Variants in SMYD3 observed in about 807,000 individuals in gnomAD.
The protein encoded by SMYD3 is histone-lysine N-methyltransferase SMYD3.
SMYD3 carries 36 observed loss-of-function variants against 57.7 expected under a neutral mutation model. The ratio of observed to expected loss-of-function variants is 0.62; its 90% CI spans 0.48 to 0.82. SMYD3 has a LOEUF of 0.82. SMYD3 is among the 40% of genes least tolerant of loss of function. The pLI is 0.00. For synonymous variants in SMYD3, 211 were observed against 195.0 expected, an observed-to-expected ratio of 1.08 and a Z score of -0.68; for missense variants, 515 against 538.8, an observed-to-expected ratio of 0.96 and a Z score of 0.44.
At chr1:246,239,780 A>G (rs2063575579) in intron 5 of SMYD3, among the ~76,000 whole-genome samples, 1 of 152,080 alleles carries the variant, frequency 6.6e-6, no homozygotes, top group South Asian at 2.1e-4. Context: ...AATGATCGCC[A>G]TTCTAACTGG....
At chr1:245,887,486 G>T (rs1267417136) in intron 8 of SMYD3, among the ~76,000 whole-genome samples, 3 of 152,132 alleles carry the variant, frequency 2.0e-5, no homozygotes, top group Non-Finnish European at 2.9e-5. Flanking sequence ...GACTCGCCCT[G>T]AATTCTTTCT....
chr1:246,109,634 C>G (rs573184673), intron 5 of SMYD3: 1 of 152,330 alleles, frequency 6.6e-6, no homozygotes, highest in South Asian at 2.1e-4. Context: ...CAGCTTTCAT[C>G]AAGAACAACC....
At chr1:245,751,604 G>GAAAA (rs1158822269) in intron 11 of SMYD3, among the ~76,000 whole-genome samples, 1 of 143,784 alleles carries the variant, frequency 7.0e-6, no homozygotes, top group Non-Finnish European at 1.5e-5. Context: ...AAGAGAGAGA[G>GAAAA]AGAAAGAGAG....
At chr1:245,870,519 T>C (rs2052127281) in intron 8 of SMYD3, among the ~76,000 whole-genome samples, 1 of 152,170 alleles carries the variant, frequency 6.6e-6, no homozygotes, top group Non-Finnish European at 1.5e-5. Flanking sequence ...TATCCCTGCA[T>C]GAATCAGTGA....
At position 245,764,645 on chromosome 1, in the gene SMYD3, A is replaced by T. The variant is rs192043525; in HGVS notation, c.1077-496T>A. ...CCGCAAAGCCCTTTGATTGAATCTC[A>T]GCTGTGGAGTCCATCATGGTACACC... is the stretch of plus-strand genomic sequence containing the variant. On this transcript the variant is annotated intron_variant, in intron 10 of 11. Transcript: ENST00000490107. 1.4e-3 allele frequency among the ~76,000 whole-genome samples: 210 copies of T among 152,000 alleles called. 3 individuals are homozygous for T. Among genetic ancestry groups the T allele is most frequent in the African/African-American group, 4.7e-3 (194 of 41,442 alleles).
rs766027289 is a variant in SMYD3, at chr1:245,804,320, G to A, written c.1077-40171C>T. ...ATTAATGTGTTAAAACTTAATTCCC[G>A]GCCGGGCGCAGTGGCACTTTGGGAG... is the stretch of plus-strand genomic sequence containing the variant. On this transcript the variant is annotated intron_variant, in intron 10 of 11. Coordinates refer to ENST00000490107, the MANE Select transcript of SMYD3 (RefSeq NM_001167740.2). 4.6e-5 allele frequency among the ~76,000 whole-genome samples: 7 copies of A among 152,202 alleles called. No individual in the cohort carries two copies. The South Asian group carries it at 6.2e-4, about 14-fold the overall frequency.
chr1:246,326,976 A>G (rs536032641), intron 5 of SMYD3: 1 of 550,032 alleles, frequency 1.8e-6, no homozygotes, highest in East Asian at 3.2e-5. Flanking sequence ...CACAATGAAC[A>G]TACTCAGGCA....
intron 5 of SMYD3, among the ~76,000 whole-genome samples, chr1:245,981,062 C>T (rs993258840): frequency 2.9e-4 from 44 of 152,194 alleles, no homozygotes; most frequent in Admixed American, 2.9e-3. Context: ...TGGAGTATCC[C>T]ACTGTGATTA....
intron 10 of SMYD3, among the ~76,000 whole-genome samples, chr1:245,839,673 C>A (rs2050302137): frequency 6.6e-6 from 1 of 151,970 alleles, no homozygotes; most frequent in Non-Finnish European, 1.5e-5. Flanking sequence ...TGTGTACTTT[C>A]AGTGGGTCAG....
At chr1:245,796,712 T>C (rs1243698419) in intron 10 of SMYD3, among the ~76,000 whole-genome samples, 1 of 152,138 alleles carries the variant, frequency 6.6e-6, no homozygotes, top group African/African-American at 2.4e-5. Context: ...CTCATGTGAG[T>C]GTGGAGGAGA....
intron 8 of SMYD3, among the ~76,000 whole-genome samples, chr1:245,865,409 C>G (rs776064551): frequency 6.6e-6 from 1 of 152,092 alleles, no homozygotes; most frequent in Non-Finnish European, 1.5e-5. Context: ...ATTCTTCTTC[C>G]CCCCAGGTCA....
intron 9 of SMYD3, among the ~76,000 whole-genome samples, chr1:245,860,829 T>C (rs1408968003): frequency 3.3e-5 from 5 of 152,272 alleles, no homozygotes; most frequent in Non-Finnish European, 5.9e-5. Context: ...TTTGACGAAC[T>C]GTCAGGAGGA....
intron 1 of SMYD3, among the ~76,000 whole-genome samples, chr1:246,490,839 C>G (rs975129279): frequency 6.6e-6 from 1 of 152,110 alleles, no homozygotes; most frequent in Non-Finnish European, 1.5e-5. Context: ...TGCACCCCAG[C>G]CTGGGCAACA....
In SMYD3 at chr1:245,776,154, T is replaced by C. The variant is rs182469870; in HGVS notation, c.1077-12005A>G. ...CTTTAAACAGTTCATCTGTGACTTA[T>C]ATATCCTTCACAATATGTGATTTAT... On this transcript the variant is annotated intron_variant, in intron 10 of 11. Coordinates refer to ENST00000490107, the MANE Select transcript of SMYD3 (RefSeq NM_001167740.2). Among the ~76,000 whole-genome samples the C allele has an allele frequency of 3.4e-3, 516 of 152,352 alleles. 1 individual carries two copies. Among genetic ancestry groups the C allele is most frequent in the Non-Finnish European group, 5.6e-3 (383 of 68,034 alleles).
intron 10 of SMYD3, among the ~76,000 whole-genome samples, chr1:245,820,234 G>T (rs1201194851): frequency 6.6e-6 from 1 of 150,580 alleles, no homozygotes; most frequent in Non-Finnish European, 1.5e-5. Context: ...TGCAAGGCTG[G>T]TTCAATATAC....
intron 5 of SMYD3, among the ~76,000 whole-genome samples, chr1:246,221,837 G>A (rs1016684186): frequency 1.1e-4 from 16 of 152,284 alleles, no homozygotes; most frequent in South Asian, 4.1e-4. Context: ...CTGCCAGGGC[G>A]AGTGGGTGGA....
chr1:246,053,842 A>G (rs1161648295), intron 5 of SMYD3, among the ~76,000 whole-genome samples: 1 of 152,142 alleles, frequency 6.6e-6, no homozygotes, highest in African/African-American at 2.4e-5. Flanking sequence ...GAAAACTCCT[A>G]GAAAATATTT....
intron 5 of SMYD3, among the ~76,000 whole-genome samples, chr1:246,060,459 C>T (rs541444322): frequency 2.8e-4 from 42 of 151,920 alleles, no homozygotes; most frequent in Non-Finnish European, 4.6e-4. Context: ...CTAAATATTC[C>T]GTTTAACGAC....
intron 5 of SMYD3, among the ~76,000 whole-genome samples, chr1:246,322,756 AG>A (rs2065270601): frequency 6.6e-6 from 1 of 152,220 alleles, no homozygotes; most frequent in Admixed American, 6.5e-5. Flanking sequence ...TAAAGCTGCA[AG>A]TAATTTGCTC....
Sources: gnomAD v4.1 joint callset for allele counts (sites outside exome capture counted in the v4.1 genomes callset) on GRCh38, gnomAD v4.1.1 for gene constraint, MANE v1.5 for transcripts, NCBI Gene and HGNC (gene_info 2026-07-23, HGNC 2026-07-21) for gene names.